Variants in RTF1 observed in about 807,000 individuals in gnomAD.
The protein encoded by RTF1 is RNA polymerase-associated protein RTF1 homolog.
In RTF1, 10 loss-of-function variants were observed where a neutral mutation model predicts 95.7. The ratio of observed to expected loss-of-function variants is 0.10; its 90% CI spans 0.06 to 0.18. The LOEUF (loss-of-function observed/expected upper bound fraction) is 0.18, where lower values mean the gene tolerates loss of function less well. Among genes scored for constraint, RTF1 ranks in the 10% least tolerant of loss-of-function variants. RTF1 has a pLI of 1.00. For missense variants in RTF1, 458 were observed against 875.6 expected (o/e 0.52, Z 6.02); for synonymous variants, 305 against 311.8 (o/e 0.98, Z 0.23).
intron 15 of RTF1, 188 bp from the exon 16 acceptor site, chr15:41,478,914 CT>C (rs1466729810): frequency 1.7e-6 from 1 of 600,438 alleles, no homozygotes; most frequent in Admixed American, 3.1e-5. Flanking sequence ...CCTGGCTGGG[CT>C]GGGCTTGGCT....
chr15:41,478,813 C>T, intron 15 of RTF1, 188 bp downstream of exon 15: 1 of 621,094 alleles, frequency 1.6e-6, no homozygotes, highest in South Asian at 2.0e-5. Context: ...GAAAACGTGG[C>T]ATGGATTTAT....
Position 41,480,581 on chromosome 15 carries a change from A to G in RTF1, c.2027A>G (p.Glu676Gly). The G allele has an allele frequency of 6.2e-7, 1 of 1,611,618 alleles. No homozygotes were observed. The highest frequency in any genetic ancestry group is 8.5e-7 in the Non-Finnish European group (1 of 1,177,754). The change falls in exon 18 of 18, where the codon GAG becomes GGG. Residue 676 changes from glutamate (E) to glycine (G), a missense_variant and splice_region_variant. Coordinates refer to ENST00000389629, the MANE Select transcript of RTF1 (RefSeq NM_015138.5). ...VKIDLQVPSS[E>G]SKALAITSKA... is the part of the protein sequence containing the mutation. Reference sequence around the variant, plus strand: ...GCCAACTTGCTCTTCTTTCCCACAGAGTCAAAGGCTTTAGCCATCACCTCC... The same window carrying G: ...GCCAACTTGCTCTTCTTTCCCACAGGGTCAAAGGCTTTAGCCATCACCTCC...
intron 5 of RTF1, 37 bp from the exon 6 acceptor site, chr15:41,466,104 G>A: frequency 2.2e-6 from 3 of 1,368,092 alleles, no homozygotes; most frequent in Non-Finnish European, 3.0e-6. Flanking sequence ...TCAGCTGTTG[G>A]TAAAAAGGGC....
chr15:41,458,317 G>A (rs1214206163), intron 4 of RTF1, among the ~76,000 whole-genome samples: 1 of 152,168 alleles, frequency 6.6e-6, no homozygotes, highest in African/African-American at 2.4e-5. Flanking sequence ...CTAGTTGAGT[G>A]AATGAATGAA....
At chr15:41,444,459 A>G (rs2050750825) in intron 2 of RTF1, among the ~76,000 whole-genome samples, 1 of 151,630 alleles carries the variant, frequency 6.6e-6, no homozygotes, top group Non-Finnish European at 1.5e-5. Flanking sequence ...ACGCCCGGCT[A>G]ACTTTTTGTA....
chr15:41,441,738 G>T (rs1479317838), intron 2 of RTF1, among the ~76,000 whole-genome samples: 1 of 152,178 alleles, frequency 6.6e-6, no homozygotes, highest in African/African-American at 2.4e-5. Context: ...AGCAAGAAAT[G>T]AGCGTTTGAG....
rs2050981584 is a variant in RTF1 at position 41,482,365 on chromosome 15, C to A, written c.*1678C>A. On this transcript the variant is annotated 3_prime_UTR_variant, in exon 18 of 18. Coordinates refer to ENST00000389629, the MANE Select transcript of RTF1 (RefSeq NM_015138.5). ...AAGGAACAGCTGAGAGCTCCGATCT[C>A]CACGAGAGACTAATCTAAAAGCTCT... is the stretch of plus-strand genomic sequence containing the variant. 1 of 152,530 alleles carries A rather than the reference C, an allele frequency of 6.6e-6. No individual in the cohort carries two copies. The highest frequency in any genetic ancestry group is 1.5e-5 in the Non-Finnish European group (1 of 68,004). 9.4% of individuals were successfully genotyped at this position (152,530 alleles called of 1,614,324 possible). A position where few individuals can be genotyped will look rare whatever the true frequency, so the allele number is the denominator to read the frequency against.
At chr15:41,417,352 G>A (rs2050576429) in intron 1 of RTF1, 39 bp downstream of exon 1, 32 of 1,244,840 alleles carry the variant, frequency 2.6e-5, no homozygotes, top group Non-Finnish European at 3.2e-5. Context: ...GGCGGAGCCA[G>A]AGGGCTGTCG....
rs1162207717 is a variant in RTF1, at chr15:41,470,400, C to T, written c.1025+8C>T. 6.2e-7 allele frequency: 1 copy of T among 1,613,664 alleles called. No individual in the cohort carries two copies. Among genetic ancestry groups the T allele is most frequent in the Non-Finnish European group, 8.5e-7 (1 of 1,179,768 alleles). On this transcript the variant is annotated splice_region_variant and intron_variant, in intron 7 of 17. Coordinates refer to ENST00000389629, the MANE Select transcript of RTF1 (RefSeq NM_015138.5). ...GTCTGATGAAGAAGAGGAGTAAGCTCTTGTACATTTTGGTCTAGTAGGCAG... is the reference window on the plus strand; with the variant it reads ...GTCTGATGAAGAAGAGGAGTAAGCTTTTGTACATTTTGGTCTAGTAGGCAG...
At chr15:41,450,556 G>T (rs2050784960) in intron 2 of RTF1, among the ~76,000 whole-genome samples, 1 of 150,888 alleles carries the variant, frequency 6.6e-6, no homozygotes. Context: ...CTGCACTCCA[G>T]CCTGGACGAC....
intron 3 of RTF1, among the ~76,000 whole-genome samples, chr15:41,453,673 G>A (rs901154514): frequency 6.6e-6 from 1 of 151,440 alleles, no homozygotes; most frequent in East Asian, 1.9e-4. Flanking sequence ...GTTACTGTGA[G>A]CTATGATCAC....
Position 41,470,334 on chromosome 15 carries a change from A to C in RTF1, c.967A>C (p.Lys323Gln). The change falls in exon 7 of 18, where the codon AAA (lysine) becomes CAA (glutamine). Residue 323 changes from lysine (K) to glutamine (Q), a missense_variant. Around this residue, in one of 11 missense-constraint regions of RTF1, gnomAD observed 150 missense variants for 275.7 expected, o/e 0.54. Transcript: ENST00000389629. ...TGATGAAGAGGAGGAAGAGGATGAC[A>C]AATCCAGTGAAAAGTCAGACCGCTC... Reference protein sequence around the residue: ...SDDEEEEEDDKSSEKSDRSSR... With the variant: ...SDDEEEEEDDQSSEKSDRSSR... The C allele has an allele frequency of 6.2e-7, 1 of 1,614,194 alleles. No individual in the cohort carries two copies. The highest frequency in any genetic ancestry group is 8.5e-7 in the Non-Finnish European group (1 of 1,180,024).
rs764197870 is a variant in RTF1, at chr15:41,477,191, G to T, written c.1587G>T (p.Gln529His). ...EKAMAEDLGD[Q>H]DKAKQIQDQL... The stretch of plus-strand genomic sequence containing the variant: ...CCATGGCTGAGGACCTGGGGGATCA[G>T]GACAAGGCCAAACAAATCCAAGATC... The change falls in exon 13 of 18, where the codon CAG becomes CAT. Residue 529 changes from glutamine (Q) to histidine (H), a missense_variant. Gln to His is a conservative substitution (Grantham distance 24, BLOSUM62 0). This residue lies in a region of RTF1 where 150 missense variants were observed against 275.7 expected (regional missense o/e 0.54). Transcript: ENST00000389629. 1 of 1,614,072 alleles carries T rather than the reference G, an allele frequency of 6.2e-7. No individual in the cohort carries two copies. The highest frequency in any genetic ancestry group is 1.3e-5 in the African/African-American group (1 of 74,928).
At chr15:41,473,834 C>T (rs1222332444) in intron 8 of RTF1, among the ~76,000 whole-genome samples, 2 of 151,668 alleles carry the variant, frequency 1.3e-5, no homozygotes, top group East Asian at 1.9e-4. Context: ...GTCAGGAGAT[C>T]GAGACCATCC....
chr15:41,452,007 A>G (rs557735330), intron 2 of RTF1, among the ~76,000 whole-genome samples: 1 of 152,042 alleles, frequency 6.6e-6, no homozygotes, highest in Non-Finnish European at 1.5e-5. Flanking sequence ...AGGCCAGCCT[A>G]GGCAACATAG....
intron 6 of RTF1, 69 bp downstream of exon 6, chr15:41,466,321 T>C: frequency 9.5e-7 from 1 of 1,049,546 alleles, no homozygotes; most frequent in Non-Finnish European, 1.3e-6. Flanking sequence ...CCATTTTCAT[T>C]TTGCCCTCTT....
chr15:41,445,516 A>G lies in RTF1; in HGVS notation c.309+7085A>G, dbSNP rs773821413. On this transcript the variant is annotated intron_variant, in intron 2 of 17. Coordinates refer to ENST00000389629, the MANE Select transcript of RTF1 (RefSeq NM_015138.5). The stretch of plus-strand genomic sequence containing the variant: ...ACTGCAAGTTTTTGTGATTGAGTGC[A>G]AGGATTCTCTATGCTTTCCAGTTAA... Among the ~76,000 whole-genome samples the G allele has an allele frequency of 2.6e-5, 4 of 152,148 alleles. No homozygotes were observed. In the South Asian group the frequency reaches 6.2e-4, roughly 24 times the overall value.
At chr15:41,422,419 T>C (rs2050607128) in intron 1 of RTF1, among the ~76,000 whole-genome samples, 1 of 152,244 alleles carries the variant, frequency 6.6e-6, no homozygotes, top group Admixed American at 6.5e-5. Flanking sequence ...AATTTCAAGA[T>C]ACTTGCTGTT....
chr15:41,429,512 G>A (rs1307688236), intron 1 of RTF1, among the ~76,000 whole-genome samples: 2 of 150,142 alleles, frequency 1.3e-5, no homozygotes, highest in East Asian at 3.9e-4. Context: ...TTACTCCCCT[G>A]CTTCAAACCA....
Sources: allele counts gnomAD v4.1 joint callset (sites outside exome capture counted in the v4.1 genomes callset), GRCh38; gene constraint gnomAD v4.1.1; regional missense constraint gnomAD v4.1.1; transcripts MANE v1.5; gene names NCBI Gene and HGNC (gene_info 2026-07-23, HGNC 2026-07-21).